Variants in ASPM observed in about 807,000 individuals in gnomAD.
ASPM encodes the protein assembly factor for spindle microtubules, also known as abnormal spindle-like microcephaly-associated protein.
ASPM carries 256 observed loss-of-function variants against 366.4 expected under a neutral mutation model. The observed-to-expected ratio is 0.70, with a 90% CI of 0.63 to 0.77. The LOEUF is 0.77. Ranked by LOEUF, ASPM falls within the 30% of genes least tolerant of loss-of-function variation. The pLI is 0.00. For missense variants in ASPM, 4,146 were observed against 4,090.4 expected, an observed-to-expected ratio of 1.01 and a Z score of -0.37; for synonymous variants, 1,414 against 1,342.9, an observed-to-expected ratio of 1.05 and a Z score of -1.16.
chr1:197,107,137 T>C (rs1008843889), intron 17 of ASPM, among the ~76,000 whole-genome samples: 2 of 152,064 alleles, frequency 1.3e-5, no homozygotes, highest in Non-Finnish European at 2.9e-5. Flanking sequence ...AGGGAGATGG[T>C]AGAGACTGGG....
In ASPM at chr1:197,144,100, G is replaced by T; in HGVS notation, c.298C>A (p.Pro100Thr). The change falls in exon 2 of 28, where the codon CCT (proline) becomes ACT (threonine). Residue 100 changes from proline (P) to threonine (T), a missense_variant and splice_region_variant. Physicochemically the swap from Pro to Thr is conservative, Grantham distance 38 (BLOSUM62 -1). Around this residue, in one of 3 missense-constraint regions of ASPM, gnomAD observed 512 missense variants for 471.7 expected, o/e 1.09. Coordinates refer to ENST00000367409, the MANE Select transcript of ASPM (RefSeq NM_018136.5). Reference protein sequence around the residue: ...SVSQRCFVLQPKEKIVISVNW... With the variant: ...SVSQRCFVLQTKEKIVISVNW... ...ACAGAAATAACAATTTTCTCTTTAG[G>T]CTATAATCAAAACAATACATTATAT... is the stretch of plus-strand genomic sequence containing the variant. The T allele has an allele frequency of 1.3e-6, 2 of 1,594,076 alleles. No individual in the cohort carries two copies. The highest frequency in any genetic ancestry group is 4.5e-5 in the East Asian group (2 of 44,580).
At chr1:197,120,515 G>A (rs192427747) in intron 16 of ASPM, among the ~76,000 whole-genome samples, 1 of 152,204 alleles carries the variant, frequency 6.6e-6, no homozygotes, top group East Asian at 1.9e-4. Context: ...GGGTGACAGA[G>A]TGAGACCTTG....
chr1:197,104,460 T>C lies in ASPM; in HGVS notation c.4791A>G (p.Gln1597=), dbSNP rs138731738. The C allele has an allele frequency of 6.2e-7, 1 of 1,612,838 alleles. No homozygotes were observed. Among genetic ancestry groups the C allele is most frequent in the Non-Finnish European group, 8.5e-7 (1 of 1,179,410 alleles). Residue 1597 remains glutamine (Q), a synonymous_variant, in exon 18 of 28, where the codon CAA becomes CAG. Transcript: ENST00000367409. The part of the protein sequence containing the change: ...IKFQAHVRKH[Q]QRQKYKKMKK... Reference sequence around the variant, plus strand: ...TCATCTTCTTATATTTCTGTCGTTGTTGATGTTTTCTTACATGTGCCTGAA... The same window carrying C: ...TCATCTTCTTATATTTCTGTCGTTGCTGATGTTTTCTTACATGTGCCTGAA...
rs771684886 is a variant in ASPM, at chr1:197,124,250, A to G, written c.3250T>C (p.Ser1084Pro). ...KHTKSIKKTI[S>P]LLSCHSDDLI... ...TCATCAGAATGGCATGATAGTAGAG[A>G]TATTGTTTTCTTTATACTCTTTGTG... Residue 1084 changes from serine to proline, a missense_variant, in exon 13 of 28, where the codon TCT becomes CCT. This residue lies in a region of ASPM where 3,624 missense variants were observed against 3,591.7 expected (regional missense o/e 1.01). Transcript: ENST00000367409. 6.2e-7 allele frequency: 1 copy of G among 1,608,620 alleles called. No individual in the cohort carries two copies. Among genetic ancestry groups the G allele is most frequent in the Non-Finnish European group, 8.5e-7 (1 of 1,175,606 alleles).
Position 197,129,292 on chromosome 1 carries a change from A to G in ASPM, c.2655T>C (p.Phe885=), listed in dbSNP as rs1254423688. Residue 885 remains phenylalanine, a synonymous_variant, in exon 9 of 28, where the codon TTT becomes TTC. Coordinates refer to ENST00000367409, the MANE Select transcript of ASPM (RefSeq NM_018136.5). ...CCAACAACAATAACTTTTTCAATGT[A>G]AACTTGGACAAAGCTTCTTCATGAC... ...RDGHEEALSK[F]TLKKLLLLVC... 1.2e-6 allele frequency: 2 copies of G among 1,613,218 alleles called. No individual in the cohort carries two copies. Among genetic ancestry groups the G allele is most frequent in the African/African-American group, 1.3e-5 (1 of 75,026 alleles).
In ASPM at chr1:197,122,158, C is replaced by T. The variant is rs199422160; in HGVS notation, c.3741+1G>A. On this transcript the variant is annotated splice_donor_variant, in intron 15 of 27. Transcript: ENST00000367409. LOFTEE classifies it high-confidence loss of function. ...TAATTAGAAACTCTTCTTTTACTTACCTTTTCATCTGGAATTGTATTTGAC... is the reference window on the plus strand; with the variant it reads ...TAATTAGAAACTCTTCTTTTACTTATCTTTTCATCTGGAATTGTATTTGAC... The T allele has an allele frequency of 6.2e-7, 1 of 1,608,512 alleles. No individual in the cohort carries two copies. Among genetic ancestry groups the T allele is most frequent in the Non-Finnish European group, 8.5e-7 (1 of 1,175,440 alleles).
In ASPM at chr1:197,094,079, C is replaced by T. The variant is rs1060499758; in HGVS notation, c.9084+5G>A. The stretch of plus-strand genomic sequence containing the variant: ...TTTGCAAGTGAATTAATTTTTAATA[C>T]CTACTTTTATCATTAAGAAGTGTTC... On this transcript the variant is annotated splice_donor_5th_base_variant and intron_variant, in intron 20 of 27. Coordinates refer to ENST00000367409, the MANE Select transcript of ASPM (RefSeq NM_018136.5). 7 of 1,508,092 alleles carry T rather than the reference C, an allele frequency of 4.6e-6. No homozygotes were observed. Among genetic ancestry groups the T allele is most frequent in the African/African-American group, 2.8e-5 (2 of 72,552 alleles). 93.4% of individuals were successfully genotyped at this position (1,508,092 alleles called of 1,614,324 possible).
In ASPM at chr1:197,129,984, G is replaced by A. The variant is rs771828613; in HGVS notation, c.2560C>T (p.Arg854Cys). The change falls in exon 8 of 28, where the codon CGC becomes TGC. Residue 854 changes from arginine (R) to cysteine (C), a missense_variant. Coordinates refer to ENST00000367409, the MANE Select transcript of ASPM (RefSeq NM_018136.5). ...GCTATATCAGGATTCCAAAGTAGGC[G>A]ATTCAGAATAAACATAGCCAACCCT... Reference protein sequence around the residue: ...VTGLAMFILNRLLWNPDIAAE... With the variant: ...VTGLAMFILNCLLWNPDIAAE... The A allele has an allele frequency of 7.4e-6, 12 of 1,613,930 alleles. No individual in the cohort carries two copies. In the East Asian group the frequency reaches 1.1e-4, roughly 15 times the overall value.
At chr1:197,139,736 T>C in intron 4 of ASPM, 31 bp downstream of exon 4, 2 of 1,471,370 alleles carry the variant, frequency 1.4e-6, no homozygotes, top group Admixed American at 1.7e-5. Context: ...ATGTCATGTT[T>C]TCAGAGAGTT....
chr1:197,103,430 A>G lies in ASPM; in HGVS notation c.5821T>C (p.Cys1941Arg), dbSNP rs61249253. The G allele has an allele frequency of 3.1e-3, 5,053 of 1,613,248 alleles. 97 individuals carry two copies. In the African/African-American group the frequency reaches 0.046, roughly 15 times the overall value. ...TGACGGAGTTCAATATACTCCATAC[A>G]TTGCTTCCTTCCTGCAGTCCATGCT... ...FRAWTAGRKQCMEYIELRHAV... is the reference protein window; with the variant it reads ...FRAWTAGRKQRMEYIELRHAV... Residue 1941 changes from cysteine to arginine, a missense_variant, in exon 18 of 28, where the codon TGT becomes CGT. Physicochemically the swap from Cys to Arg is radical, Grantham distance 180 (BLOSUM62 -3). Transcript: ENST00000367409.
At chr1:197,116,617 A>T (rs896941918) in intron 17 of ASPM, among the ~76,000 whole-genome samples, 2 of 152,064 alleles carry the variant, frequency 1.3e-5, no homozygotes, top group Non-Finnish European at 2.9e-5. Flanking sequence ...AATTGAAGAG[A>T]CTGAATACAT....
intron 19 of ASPM, among the ~76,000 whole-genome samples, chr1:197,094,464 T>A (rs1382658647): frequency 6.6e-6 from 1 of 151,660 alleles, no homozygotes; most frequent in Admixed American, 6.6e-5. Flanking sequence ...CAAAATAAAG[T>A]ATGGTTACCC....
chr1:197,100,987 CT>C lies in ASPM; in HGVS notation c.8263del (p.Arg2755AspfsTer4). On this transcript the variant is annotated frameshift_variant, in exon 18 of 28. Coordinates refer to ENST00000367409, the MANE Select transcript of ASPM (RefSeq NM_018136.5). LOFTEE classifies it high-confidence loss of function. ...IQAAFRGMKV[R>X]QKLKNVSEEK... ...CTCTGATACATTTTTCAATTTTTGT[CT>C]AACTTTCATGCCTCTAAAAGCAGCC... 6.2e-7 allele frequency: 1 copy of C among 1,612,504 alleles called. No homozygotes were observed. Among genetic ancestry groups the C allele is most frequent in the Non-Finnish European group, 8.5e-7 (1 of 1,179,102 alleles).
chr1:197,143,747 C>A lies in ASPM; in HGVS notation c.505G>T (p.Val169Phe). Residue 169 changes from valine to phenylalanine, a missense_variant, in exon 3 of 28, where the codon GTT (valine) becomes TTT (phenylalanine). Coordinates refer to ENST00000367409, the MANE Select transcript of ASPM (RefSeq NM_018136.5). The stretch of plus-strand genomic sequence containing the variant: ...TTATTAACATTCTGAATATTTGAAA[C>A]CCTTCTGTTGTGACTTGTAGAGGCT... The part of the protein sequence containing the change: ...ISASTSHNRR[V>F]SNIQNVNKTF... 1 of 1,613,512 alleles carries A rather than the reference C, an allele frequency of 6.2e-7. No homozygotes were observed.
rs561811860 is a variant in ASPM, at chr1:197,115,754, G to C, written c.4065+2035C>G. On this transcript the variant is annotated intron_variant, in intron 17 of 27. Transcript: ENST00000367409. The stretch of plus-strand genomic sequence containing the variant: ...TTTCTGTGTAGTAGGTCTCAACAAC[G>C]GACTTAGAATATTCAGTAAACCCTG... 1.1e-4 allele frequency among the ~76,000 whole-genome samples: 16 copies of C among 152,198 alleles called. No individual in the cohort carries two copies. The East Asian group carries it at 3.1e-3, about 29-fold the overall frequency.
In ASPM at chr1:197,142,986, G is replaced by A. The variant is rs1240164794; in HGVS notation, c.1266C>T (p.Val422=). The A allele has an allele frequency of 3.1e-6, 5 of 1,613,712 alleles. No homozygotes were observed. The highest frequency in any genetic ancestry group is 3.4e-6 in the Non-Finnish European group (4 of 1,179,858). ...TTCTCCAATCTTCAGGAGACTGTGG[G>A]ACTTGAGAATTTTCATTTGATAATG... ...KVPLSNENSQ[V]PQSPEDWRKS... Residue 422 remains valine (V), a synonymous_variant, in exon 3 of 28, where the codon GTC becomes GTT. Transcript: ENST00000367409.
chr1:197,128,395 T>C lies in ASPM; in HGVS notation c.2936+95A>G, dbSNP rs1658153887. On this transcript the variant is annotated intron_variant, in intron 10 of 27. Coordinates refer to ENST00000367409, the MANE Select transcript of ASPM (RefSeq NM_018136.5). The stretch of plus-strand genomic sequence containing the variant: ...TTCAGTACTAAATTTATTGTACTAC[T>C]TGAAAGAGCAAGATTGAATAATTAC... 3.0e-6 allele frequency: 4 copies of C among 1,318,624 alleles called. No individual in the cohort carries two copies. In the South Asian group the frequency reaches 3.6e-5, roughly 12 times the overall value. 81.7% of individuals were successfully genotyped at this position (1,318,624 alleles called of 1,614,324 possible).
In ASPM at chr1:197,121,927, G is replaced by A; in HGVS notation, c.3858C>T (p.Leu1286=). The change falls in exon 16 of 28, where the codon CTC becomes CTT. Residue 1286 remains leucine, a synonymous_variant. Transcript: ENST00000367409. ...TWRKYKLKTD[L]KRHQEREKAA... ...ATTCTAGGAGTACCTGATGGCGTTT[G>A]AGATCTGTTTTTAGTTTATATTTTC... The A allele has an allele frequency of 6.2e-7, 1 of 1,609,528 alleles. No homozygotes were observed. The highest frequency in any genetic ancestry group is 1.1e-5 in the South Asian group (1 of 90,962).
intron 6 of ASPM, 151 bp from the exon 7 acceptor site, chr1:197,132,503 T>G (rs1448540729): frequency 3.0e-6 from 2 of 666,472 alleles, no homozygotes; most frequent in Admixed American, 5.6e-5. Context: ...GTCTTAAATA[T>G]ACATGATCAT....
Sources: gnomAD v4.1 joint callset for allele counts (sites outside exome capture counted in the v4.1 genomes callset) on GRCh38, gnomAD v4.1.1 for gene constraint, gnomAD v4.1.1 regional missense constraint, MANE v1.5 for transcripts, NCBI Gene and HGNC (gene_info 2026-07-23, HGNC 2026-07-21) for gene names.